Variants in DYNLT3 observed in about 807,000 individuals in gnomAD.
The protein encoded by DYNLT3 is protein 91/23.
DYNLT3 carries 4 observed loss-of-function variants against 11.0 expected under a neutral mutation model. The observed-to-expected ratio is 0.36, with a 90% CI of 0.18 to 0.83. DYNLT3 has a LOEUF of 0.83. Ranked by LOEUF, DYNLT3 falls within the 40% of genes least tolerant of loss-of-function variation. The pLI is 0.47. For missense variants in DYNLT3, 91 were observed against 91.1 expected, an observed-to-expected ratio of 1.00 and a Z score of 0.01; for synonymous variants, 37 against 31.2, an observed-to-expected ratio of 1.18 and a Z score of -0.61.
At chrX:37,841,950 C>A in intron 2 of DYNLT3, 45 bp from the exon 3 acceptor site, 1 of 1,031,747 alleles carries the variant, frequency 9.7e-7, no homozygotes, top group South Asian at 3.4e-5. Flanking sequence ...TAAAATTGTT[C>A]AAAAAGAACA....
Position 37,841,193 on chromosome X carries a change from C to T in DYNLT3, c.197-88G>A, listed in dbSNP as rs191879994. On this transcript the variant is annotated intron_variant, in intron 3 of 4. Transcript: ENST00000378578. The stretch of plus-strand genomic sequence containing the variant: ...GTGTGTGAGTTCAGAGCTCTACAAG[C>T]CGAAAACAAGACAAAAAACAAACAA... 9.1e-4 allele frequency: 670 copies of T among 739,874 alleles called. 2 individuals are homozygous for T. In the African/African-American group the frequency reaches 0.014, roughly 15 times the overall value. 61.0% of individuals were successfully genotyped at this position (739,874 alleles called of 1,213,427 possible). A position where few individuals can be genotyped will look rare whatever the true frequency, so the allele number is the denominator to read the frequency against.
chrX:37,841,159 A>G, intron 3 of DYNLT3, 54 bp from the exon 4 acceptor site: 10 of 1,076,798 alleles, frequency 9.3e-6, no homozygotes, highest in Non-Finnish European at 8.9e-6. Context: ...AAAGAGAACC[A>G]AGGTCAAAGT....
intron 2 of DYNLT3, among the ~76,000 whole-genome samples, chrX:37,842,160 G>A (rs772328092): frequency 9.0e-6 from 1 of 111,323 alleles, no homozygotes; most frequent in Non-Finnish European, 1.9e-5. Flanking sequence ...ATATGTCATG[G>A]CTTCTGTGTA....
In DYNLT3 at chrX:37,840,562, C is replaced by A; in HGVS notation, c.*13G>T. On this transcript the variant is annotated 3_prime_UTR_variant, in exon 5 of 5. Transcript: ENST00000378578. ...TCTTAAGTTAATGGCTTTAGCCCAA[C>A]ATTTTTAGTCAGTTAAAGAACAATA... 1.7e-6 allele frequency: 2 copies of A among 1,182,756 alleles called. No individual in the cohort carries two copies. The highest frequency in any genetic ancestry group is 2.3e-6 in the Non-Finnish European group (2 of 881,306).
intron 2 of DYNLT3, among the ~76,000 whole-genome samples, chrX:37,842,284 T>A (rs1015237634): frequency 2.7e-5 from 3 of 111,968 alleles, no homozygotes; most frequent in Non-Finnish European, 5.6e-5. Flanking sequence ...AAAGGTGCTA[T>A]CAATTGGTTA....
At chrX:37,846,039 C>T (rs1048323695) in intron 2 of DYNLT3, among the ~76,000 whole-genome samples, 3 of 111,253 alleles carry the variant, frequency 2.7e-5, no homozygotes, top group Non-Finnish European at 5.7e-5. Flanking sequence ...GGTGTGGTGG[C>T]GGGCGCCTGT....
In DYNLT3 at chrX:37,839,125, T is replaced by C. The variant is rs866410939; in HGVS notation, c.*1450A>G. On this transcript the variant is annotated 3_prime_UTR_variant, in exon 5 of 5. Transcript: ENST00000378578. ...TTAAACATTGAACAATTATTAATTA[T>C]TGTTATTTGGCAAAATATCAAACAT... 2 of 111,890 alleles carry C rather than the reference T, an allele frequency of 1.8e-5. No individual in the cohort carries two copies. The highest frequency in any genetic ancestry group is 7.4e-4 in the South Asian group (2 of 2,693). The allele number at this position is 111,890 out of a possible 1,213,427, so 9.2% of individuals were successfully genotyped here.
rs751244316 is a variant in DYNLT3 at position 37,840,496 on chromosome X, A to G, written c.*79T>C. On this transcript the variant is annotated 3_prime_UTR_variant, in exon 5 of 5. Transcript: ENST00000378578. ...CACGCTTTTCATCTAGCACACTAGT[A>G]AACAACTATTACTCTTTTTGGAAAG... The G allele has an allele frequency of 9.1e-5, 84 of 922,420 alleles. 1 individual carries two copies. In the South Asian group the frequency reaches 2.2e-3, roughly 25 times the overall value. 76.0% of individuals were successfully genotyped at this position (922,420 alleles called of 1,213,427 possible). A position where few individuals can be genotyped will look rare whatever the true frequency, so the allele number is the denominator to read the frequency against.
intron 1 of DYNLT3, chrX:37,846,932 A>C: frequency 9.5e-7 from 1 of 1,047,199 alleles, no homozygotes; most frequent in Non-Finnish European, 1.3e-6. Context: ...AATAACAGGG[A>C]GATAACAACT....
intron 1 of DYNLT3, 66 bp downstream of exon 1, chrX:37,847,415 C>T (rs1192003823): frequency 1.1e-5 from 11 of 1,004,568 alleles, no homozygotes; most frequent in Non-Finnish European, 1.4e-5. Flanking sequence ...GGAGACCACC[C>T]GGCAAGAGCC....
intron 2 of DYNLT3, among the ~76,000 whole-genome samples, chrX:37,845,868 A>G (rs1346831395): frequency 8.9e-6 from 1 of 112,460 alleles, no homozygotes; most frequent in Admixed American, 9.4e-5. Context: ...TTAGTGGATA[A>G]ATATTTAAAA....
Position 37,840,390 on chromosome X carries a change from GA to G in DYNLT3, c.*184del. 1 of 332,114 alleles carries G rather than the reference GA, an allele frequency of 3.0e-6. No individual in the cohort carries two copies. Among genetic ancestry groups the G allele is most frequent in the South Asian group, 9.9e-5 (1 of 10,091 alleles). 27.4% of individuals were successfully genotyped at this position (332,114 alleles called of 1,213,427 possible). A position where few individuals can be genotyped will look rare whatever the true frequency, so the allele number is the denominator to read the frequency against. The stretch of plus-strand genomic sequence containing the variant: ...TTTCCTATTTAAACGATGCTGTATA[GA>G]ATATGAGCTAATCTGCCAATTACTA... On this transcript the variant is annotated 3_prime_UTR_variant, in exon 5 of 5. Coordinates refer to ENST00000378578, the MANE Select transcript of DYNLT3 (RefSeq NM_006520.3).
chrX:37,846,430 A>C, intron 1 of DYNLT3, 72 bp from the exon 2 acceptor site: 1 of 1,069,121 alleles, frequency 9.4e-7, no homozygotes, highest in Admixed American at 2.4e-5. Flanking sequence ...AGAATATCCT[A>C]GGCTGGCCTA....
chrX:37,843,879 A>G (rs1930217695), intron 2 of DYNLT3, among the ~76,000 whole-genome samples: 2 of 111,654 alleles, frequency 1.8e-5, no homozygotes, highest in Admixed American at 9.5e-5. Context: ...AAACTGTTTT[A>G]AAATGTTGCT....
chrX:37,844,857 G>A (rs1930237426), intron 2 of DYNLT3, among the ~76,000 whole-genome samples: 1 of 112,480 alleles, frequency 8.9e-6, no homozygotes, highest in African/African-American at 3.2e-5. Context: ...TCTCTTGGAT[G>A]ACTCTTCCCA....
chrX:37,840,295 G>C lies in DYNLT3; in HGVS notation c.*280C>G. The C allele has an allele frequency of 6.4e-6, 1 of 155,759 alleles. No homozygotes were observed. Among genetic ancestry groups the C allele is most frequent in the Non-Finnish European group, 1.2e-5 (1 of 80,403 alleles). 12.8% of individuals were successfully genotyped at this position (155,759 alleles called of 1,213,427 possible). A position where few individuals can be genotyped will look rare whatever the true frequency, so the allele number is the denominator to read the frequency against. On this transcript the variant is annotated 3_prime_UTR_variant, in exon 5 of 5. Transcript: ENST00000378578. ...AGGTACAAAATATTAGTGAAAAGCT[G>C]GTGTAAATATAAGATTGTATTTTCA...
At chrX:37,842,763 T>C (rs1398069445) in intron 2 of DYNLT3, among the ~76,000 whole-genome samples, 4 of 111,943 alleles carry the variant, frequency 3.6e-5, no homozygotes, top group Non-Finnish European at 7.5e-5. Flanking sequence ...AATGAGACAA[T>C]GAATACCAAG....
intron 1 of DYNLT3, 129 bp from the exon 2 acceptor site, chrX:37,846,487 A>T: frequency 1.7e-6 from 1 of 578,441 alleles, no homozygotes; most frequent in East Asian, 3.9e-5. Context: ...AGAAGGGGCC[A>T]ATCTTGCCCC....
At position 37,841,844 on chromosome X, in the gene DYNLT3, G is replaced by T; in HGVS notation, c.134C>A (p.Ala45Glu). 1 of 1,168,704 alleles carries T rather than the reference G, an allele frequency of 8.6e-7. No homozygotes were observed. The highest frequency in any genetic ancestry group is 1.2e-6 in the Non-Finnish European group (1 of 866,496). ...YNHNNINQWTASIVEQSLTHL... is the reference protein window; with the variant it reads ...YNHNNINQWTESIVEQSLTHL... Reference sequence around the variant, plus strand: ...TGTTAAGGATTGTTCCACTATGCTTGCAGTCCACTGGTTGATGTTGTTGTG... The same window carrying T: ...TGTTAAGGATTGTTCCACTATGCTTTCAGTCCACTGGTTGATGTTGTTGTG... Residue 45 changes from alanine to glutamate, a missense_variant, in exon 3 of 5, where the codon GCA (alanine) becomes GAA (glutamate). Physicochemically the swap from Ala to Glu is moderately radical, Grantham distance 107 (BLOSUM62 -1). Coordinates refer to ENST00000378578, the MANE Select transcript of DYNLT3 (RefSeq NM_006520.3).
Sources: allele counts gnomAD v4.1 joint callset (sites outside exome capture counted in the v4.1 genomes callset), GRCh38; gene constraint gnomAD v4.1.1; transcripts MANE v1.5; gene names NCBI Gene and HGNC (gene_info 2026-07-23, HGNC 2026-07-21).